Variants in CSMD3 observed in about 807,000 individuals in gnomAD.
CSMD3 encodes the protein CUB and Sushi multiple domains 3.
Under a neutral mutation model 435.2 loss-of-function variants are expected in CSMD3, and 177 were observed. The observed-to-expected ratio is 0.41, with a 90% confidence interval of 0.36 to 0.46. The LOEUF is 0.46. Ranked by LOEUF, CSMD3 falls within the 20% of genes least tolerant of loss-of-function variation. The pLI is 0.34. For synonymous variants in CSMD3, 1,656 were observed against 1,520.5 expected (o/e 1.09, Z -2.07); for missense variants, 4,265 against 4,504.6 (o/e 0.95, Z 1.52).
At chr8:112,954,641 C>T (rs2083944586) in intron 8 of CSMD3, 43 bp downstream of exon 8, 3 of 1,243,412 alleles carry the variant, frequency 2.4e-6, no homozygotes, top group Non-Finnish European at 3.5e-6. Flanking sequence ...CCACAAACTT[C>T]ACTCTTGCAC....
chr8:112,440,441 AC>A (rs146088855), intron 32 of CSMD3, among the ~76,000 whole-genome samples: 1 of 152,176 alleles, frequency 6.6e-6, no homozygotes, highest in East Asian at 1.9e-4. Flanking sequence ...CTCCAGGCCC[AC>A]CGCTCAAGCT....
At chr8:112,441,542 A>G (rs1586335880) in intron 32 of CSMD3, among the ~76,000 whole-genome samples, 1 of 152,122 alleles carries the variant, frequency 6.6e-6, no homozygotes, top group Non-Finnish European at 1.5e-5. Context: ...TGTAGTACCA[A>G]TTTACTGTAT....
intron 24 of CSMD3, among the ~76,000 whole-genome samples, chr8:112,565,817 T>C (rs1227479574): frequency 6.6e-6 from 1 of 152,028 alleles, no homozygotes; most frequent in Admixed American, 6.6e-5. Flanking sequence ...TTTTACAAAA[T>C]AAAAGTAGTA....
intron 10 of CSMD3, among the ~76,000 whole-genome samples, chr8:112,888,264 A>C (rs553290584): frequency 6.6e-6 from 1 of 151,744 alleles, no homozygotes; most frequent in South Asian, 2.1e-4. Flanking sequence ...TAGGGACATA[A>C]ATTTCTGAAT....
intron 3 of CSMD3, among the ~76,000 whole-genome samples, chr8:113,214,943 A>G (rs1254498600): frequency 6.6e-6 from 1 of 151,910 alleles, no homozygotes; most frequent in Non-Finnish European, 1.5e-5. Flanking sequence ...ACAAGGTGAT[A>G]TCAACATGAT....
At chr8:113,270,835 G>A (rs2093518116) in intron 3 of CSMD3, among the ~76,000 whole-genome samples, 1 of 151,938 alleles carries the variant, frequency 6.6e-6, no homozygotes, top group South Asian at 2.1e-4. Context: ...TGGGGTGGGA[G>A]GAGGGGGGAG....
chr8:112,710,109 T>C (rs574604779), intron 13 of CSMD3, among the ~76,000 whole-genome samples: 3 of 152,262 alleles, frequency 2.0e-5, no homozygotes, highest in African/African-American at 7.2e-5. Context: ...ATATGCCAAG[T>C]TGCAGAACTA....
intron 5 of CSMD3, among the ~76,000 whole-genome samples, chr8:113,057,692 A>G (rs2088408507): frequency 6.6e-6 from 1 of 152,006 alleles, no homozygotes; most frequent in South Asian, 2.1e-4. Context: ...TACATACGAC[A>G]AGAACCAACA....
intron 29 of CSMD3, 28 bp downstream of exon 29, chr8:112,506,663 A>G (rs1437905620): frequency 3.1e-6 from 5 of 1,607,294 alleles, no homozygotes; most frequent in Non-Finnish European, 4.3e-6. Context: ...TATTTTTTTA[A>G]CGTGGAAATA....
chr8:112,679,593 A>T (rs1272545686), intron 16 of CSMD3, among the ~76,000 whole-genome samples: 1 of 152,202 alleles, frequency 6.6e-6, no homozygotes, highest in Admixed American at 6.6e-5. Context: ...AAAGTTAAAT[A>T]CCATTTGTTT....
intron 4 of CSMD3, among the ~76,000 whole-genome samples, chr8:113,157,839 G>A (rs1167076232): frequency 6.6e-6 from 1 of 152,016 alleles, no homozygotes; most frequent in Admixed American, 6.6e-5. Context: ...GTCAAGAAGA[G>A]CAAAGAAATC....
Position 112,703,103 on chromosome 8 carries a change from T to C in CSMD3, c.1973-13053A>G, listed in dbSNP as rs184815170. On this transcript the variant is annotated intron_variant, in intron 13 of 70. Coordinates refer to ENST00000297405, the MANE Select transcript of CSMD3 (RefSeq NM_198123.2). ...TATAATAATTTTGTCTTTCAGAATA[T>C]AAAATGAGGTTGGGATTTCTTTAAT... Among the ~76,000 whole-genome samples the C allele has an allele frequency of 7.4e-4, 113 of 152,312 alleles. 1 individual carries two copies. Among genetic ancestry groups the C allele is most frequent in the African/African-American group, 2.6e-3 (108 of 41,584 alleles).
At chr8:112,513,009 T>C (rs1035864994) in intron 28 of CSMD3, among the ~76,000 whole-genome samples, 8 of 152,224 alleles carry the variant, frequency 5.3e-5, no homozygotes, top group South Asian at 4.1e-4. Flanking sequence ...TATGTCTTTA[T>C]AGAATTAAAG....
intron 6 of CSMD3, among the ~76,000 whole-genome samples, chr8:112,982,545 C>T (rs1449191955): frequency 6.6e-6 from 1 of 151,920 alleles, no homozygotes; most frequent in Non-Finnish European, 1.5e-5. Flanking sequence ...ACACTTGTTT[C>T]ATTCATTTCC....
intron 3 of CSMD3, among the ~76,000 whole-genome samples, chr8:113,266,728 T>C (rs534990246): frequency 1.3e-5 from 2 of 151,802 alleles, no homozygotes; most frequent in South Asian, 4.1e-4. Flanking sequence ...GCAAATTTGC[T>C]AAATGTGAGC....
At chr8:113,002,555 C>T (rs2085903753) in intron 6 of CSMD3, among the ~76,000 whole-genome samples, 1 of 152,060 alleles carries the variant, frequency 6.6e-6, no homozygotes, top group Admixed American at 6.6e-5. Context: ...TCTCTATTTG[C>T]TCAAGTATCA....
chr8:112,535,229 T>A (rs1280205790), intron 27 of CSMD3, among the ~76,000 whole-genome samples: 1 of 151,836 alleles, frequency 6.6e-6, no homozygotes, highest in African/African-American at 2.4e-5. Context: ...GGAAGTCAAA[T>A]TGTCCCTGTT....
At chr8:112,263,102 A>G (rs1452288055) in intron 61 of CSMD3, among the ~76,000 whole-genome samples, 1 of 151,522 alleles carries the variant, frequency 6.6e-6, no homozygotes, top group Non-Finnish European at 1.5e-5. Context: ...TCTTGAAGTA[A>G]CACTTGCTAG....
intron 38 of CSMD3, among the ~76,000 whole-genome samples, chr8:112,378,296 A>G (rs1413164415): frequency 1.3e-5 from 2 of 152,100 alleles, no homozygotes; most frequent in Non-Finnish European, 1.5e-5. Flanking sequence ...ATAGAACTAT[A>G]TAAGATCCAA....
Sources: gnomAD v4.1 joint callset for allele counts (sites outside exome capture counted in the v4.1 genomes callset) on GRCh38, gnomAD v4.1.1 for gene constraint, MANE v1.5 for transcripts, NCBI Gene and HGNC (gene_info 2026-07-23, HGNC 2026-07-21) for gene names.